Variants in GALNTL6 observed in about 807,000 individuals in gnomAD.
The protein encoded by GALNTL6 is polypeptide N-acetylgalactosaminyltransferase like 6, also known as polypeptide N-acetylgalactosaminyltransferase-like 6.
In GALNTL6, 46 loss-of-function variants were observed where a neutral mutation model predicts 73.7. That is an observed-to-expected ratio of 0.62 (90% CI 0.49 to 0.80). The LOEUF is 0.80. Among genes scored for constraint, GALNTL6 ranks in the 30% least tolerant of loss-of-function variants. The pLI is 0.00. For synonymous variants in GALNTL6, 259 were observed against 263.7 expected (o/e 0.98, Z 0.17); for missense variants, 604 against 755.0 (o/e 0.80, Z 2.34).
At chr4:172,619,052 C>T (rs183037501) in intron 5 of GALNTL6, among the ~76,000 whole-genome samples, 77 of 152,280 alleles carry the variant, frequency 5.1e-4, no homozygotes, top group African/African-American at 1.7e-3. Flanking sequence ...GGCCCAGTGT[C>T]TCCCTCTCTC....
At chr4:172,214,414 A>C (rs115888840) in intron 2 of GALNTL6, among the ~76,000 whole-genome samples, 1 of 151,828 alleles carries the variant, frequency 6.6e-6, no homozygotes, top group Non-Finnish European at 1.5e-5. Context: ...TATCAATTTC[A>C]TCAACGCTTT....
At chr4:172,937,754 T>A (rs1439921997) in intron 9 of GALNTL6, among the ~76,000 whole-genome samples, 1 of 152,170 alleles carries the variant, frequency 6.6e-6, no homozygotes, top group African/African-American at 2.4e-5. Flanking sequence ...TGCCAGAATA[T>A]CATGAGGATG....
chr4:171,841,580 T>C (rs1735240149), intron 2 of GALNTL6, among the ~76,000 whole-genome samples: 1 of 152,126 alleles, frequency 6.6e-6, no homozygotes, highest in South Asian at 2.1e-4. Flanking sequence ...CAACATTGAA[T>C]AATTTGATAG....
At chr4:172,405,404 T>G (rs995088122) in intron 5 of GALNTL6, among the ~76,000 whole-genome samples, 12 of 9,310 alleles carry the variant, frequency 1.3e-3, no homozygotes, top group East Asian at 4.2e-3. Flanking sequence ...TTATACTTGA[T>G]ATATATATAT....
chr4:172,267,960 C>A (rs1738506741), intron 3 of GALNTL6, among the ~76,000 whole-genome samples: 1 of 152,122 alleles, frequency 6.6e-6, no homozygotes, highest in South Asian at 2.1e-4. Flanking sequence ...TATGCTGACA[C>A]CAACATATGC....
intron 2 of GALNTL6, among the ~76,000 whole-genome samples, chr4:171,915,009 T>C (rs1456047789): frequency 7.3e-6 from 1 of 137,556 alleles, no homozygotes; most frequent in Non-Finnish European, 1.5e-5. Context: ...GACATGTATA[T>C]ATATAAAACT....
intron 5 of GALNTL6, among the ~76,000 whole-genome samples, chr4:172,716,369 A>T (rs1735091658): frequency 6.6e-6 from 1 of 152,216 alleles, no homozygotes; most frequent in Non-Finnish European, 1.5e-5. Context: ...CGAAATGTAA[A>T]TCAACTAGGT....
intron 2 of GALNTL6, among the ~76,000 whole-genome samples, chr4:172,217,267 A>G (rs552780540): frequency 1.3e-5 from 2 of 152,316 alleles, no homozygotes; most frequent in East Asian, 1.9e-4. Flanking sequence ...AGGCCGTTTC[A>G]AAATGTAGGG....
At position 172,533,262 on chromosome 4, in the gene GALNTL6, G is replaced by A. The variant is rs559738992; in HGVS notation, c.553+184573G>A. 7.6e-5 allele frequency among the ~76,000 whole-genome samples: 11 copies of A among 145,476 alleles called. No homozygotes were observed. The East Asian group carries it at 1.2e-3, about 17-fold the overall frequency. On this transcript the variant is annotated intron_variant, in intron 5 of 12. Coordinates refer to ENST00000506823, the MANE Select transcript of GALNTL6 (RefSeq NM_001034845.3). ...TCCTGACCTCAGGTGATCCACCCAC[G>A]TCAGCATCCCAAAGTGCTGAGATTA... is the stretch of plus-strand genomic sequence containing the variant.
intron 2 of GALNTL6, among the ~76,000 whole-genome samples, chr4:171,987,323 A>G (rs1740129203): frequency 6.6e-6 from 1 of 152,178 alleles, no homozygotes; most frequent in African/African-American, 2.4e-5. Flanking sequence ...AGAGCCTGAA[A>G]AACTGCTTGG....
intron 5 of GALNTL6, among the ~76,000 whole-genome samples, chr4:172,367,569 A>G (rs1742613349): frequency 6.6e-6 from 1 of 152,198 alleles, no homozygotes; most frequent in Non-Finnish European, 1.5e-5. Context: ...GTTTTAAACC[A>G]TGTAAAAAAA....
intron 2 of GALNTL6, among the ~76,000 whole-genome samples, chr4:171,988,700 C>A (rs1055302931): frequency 2.6e-5 from 4 of 152,126 alleles, no homozygotes; most frequent in African/African-American, 7.2e-5. Flanking sequence ...AGTGTATAGG[C>A]TTTAAAAGGC....
intron 5 of GALNTL6, among the ~76,000 whole-genome samples, chr4:172,627,570 G>A (rs1031669846): frequency 2.7e-4 from 41 of 151,298 alleles, no homozygotes; most frequent in African/African-American, 9.0e-4. Flanking sequence ...AGTGGAATTC[G>A]TATCAGCTCT....
chr4:172,441,867 T>A (rs1731849129), intron 5 of GALNTL6, among the ~76,000 whole-genome samples: 2 of 149,780 alleles, frequency 1.3e-5, no homozygotes, highest in Non-Finnish European at 3.0e-5. Flanking sequence ...CGTGGAAATG[T>A]GGCTCAATTT....
chr4:172,358,614 GC>G (rs1319179729), intron 5 of GALNTL6, among the ~76,000 whole-genome samples: 1 of 152,104 alleles, frequency 6.6e-6, no homozygotes, highest in African/African-American at 2.4e-5. Context: ...GCCCAGGGAA[GC>G]CAAAAGATTG....
At chr4:172,373,361 A>G (rs917920826) in intron 5 of GALNTL6, among the ~76,000 whole-genome samples, 2 of 152,230 alleles carry the variant, frequency 1.3e-5, no homozygotes, top group Admixed American at 6.5e-5. Flanking sequence ...ACAACTGGAT[A>G]TAGAGGAGTT....
intron 3 of GALNTL6, among the ~76,000 whole-genome samples, chr4:172,250,556 C>A (rs1464496118): frequency 1.3e-5 from 2 of 152,070 alleles, no homozygotes; most frequent in Non-Finnish European, 2.9e-5. Context: ...GTGGGAGGGA[C>A]CCCATAAGAT....
chr4:172,875,037 TG>T (rs982179602), intron 7 of GALNTL6, among the ~76,000 whole-genome samples: 3 of 152,074 alleles, frequency 2.0e-5, no homozygotes, highest in African/African-American at 7.2e-5. Context: ...GGTGACTTAA[TG>T]GGTCAGAGGA....
At chr4:172,650,660 T>G (rs576421398) in intron 5 of GALNTL6, among the ~76,000 whole-genome samples, 15 of 152,238 alleles carry the variant, frequency 9.9e-5, no homozygotes, top group Non-Finnish European at 1.9e-4. Flanking sequence ...ATATCTATAA[T>G]GTGGAAGAAA....
Sources: allele counts gnomAD v4.1 joint callset (sites outside exome capture counted in the v4.1 genomes callset), GRCh38; gene constraint gnomAD v4.1.1; transcripts MANE v1.5; gene names NCBI Gene and HGNC (gene_info 2026-07-23, HGNC 2026-07-21).